LRP1B: variants seen among roughly 807,000 people sequenced by gnomAD.
LRP1B encodes the protein low-density lipoprotein receptor-related protein 1B.
A neutral mutation model predicts 556.6 loss-of-function variants in LRP1B; 217 were observed. The ratio of observed to expected loss-of-function variants is 0.39; its 90% CI spans 0.35 to 0.44. LRP1B has a LOEUF of 0.44. Among genes scored for constraint, LRP1B ranks in the 20% least tolerant of loss-of-function variants. The pLI is 1.00. For missense variants in LRP1B, 5,053 were observed against 5,620.8 expected, an observed-to-expected ratio of 0.90 and a Z score of 3.23; for synonymous variants, 2,047 against 1,865.8, an observed-to-expected ratio of 1.10 and a Z score of -2.50.
chr2:141,364,020 T>C (rs11891815), intron 3 of LRP1B, among the ~76,000 whole-genome samples: 9,499 of 152,180 alleles, frequency 0.062, 409 homozygotes, highest in African/African-American at 0.11. Flanking sequence ...TTTGATTTTC[T>C]CCTCCATATC....
At chr2:140,257,332 T>C (rs1573694694) in intron 86 of LRP1B, among the ~76,000 whole-genome samples, 1 of 152,188 alleles carries the variant, frequency 6.6e-6, no homozygotes, top group Non-Finnish European at 1.5e-5. Flanking sequence ...TTAAGAGTTA[T>C]ACAAATAATA....
chr2:141,473,354 A>G (rs765120829), intron 3 of LRP1B, among the ~76,000 whole-genome samples: 38 of 152,200 alleles, frequency 2.5e-4, no homozygotes, highest in Middle Eastern at 3.2e-3. Context: ...GTCATTTGTC[A>G]ATATAAACAA....
intron 1 of LRP1B, among the ~76,000 whole-genome samples, chr2:141,947,259 G>A (rs146749917): frequency 6.6e-6 from 1 of 151,908 alleles, no homozygotes; most frequent in African/African-American, 2.4e-5. Flanking sequence ...TGGTGAAACT[G>A]TGTCTCTACT....
intron 57 of LRP1B, 77 bp downstream of exon 57, chr2:140,492,531 G>T: frequency 1.2e-6 from 1 of 864,618 alleles, no homozygotes; most frequent in Non-Finnish European, 1.8e-6. Context: ...AACTCTAATT[G>T]CCAGGTAGTT....
Position 141,942,712 on chromosome 2 carries a change from G to A in LRP1B, c.83-132311C>T, listed in dbSNP as rs569393784. 3.3e-5 allele frequency among the ~76,000 whole-genome samples: 5 copies of A among 152,262 alleles called. No homozygotes were observed. In the East Asian group the frequency reaches 9.7e-4, roughly 29 times the overall value. On this transcript the variant is annotated intron_variant, in intron 1 of 90. Transcript: ENST00000389484. ...ATTTTGTGCAGCAGTTTCCAAAACA[G>A]TGTCCCTGTTTACTGTATTTACTAA...
At chr2:140,436,519 A>T (rs1330150955) in intron 66 of LRP1B, among the ~76,000 whole-genome samples, 1 of 152,112 alleles carries the variant, frequency 6.6e-6, no homozygotes. Flanking sequence ...TTCATCTGGG[A>T]TCAAATAAGT....
intron 41 of LRP1B, among the ~76,000 whole-genome samples, chr2:140,620,265 A>T (rs889916376): frequency 3.9e-5 from 6 of 152,184 alleles, no homozygotes; most frequent in Non-Finnish European, 7.4e-5. Flanking sequence ...AATGACAGTT[A>T]TCGAGTTGGT....
intron 2 of LRP1B, among the ~76,000 whole-genome samples, chr2:141,517,004 TAAAAAAAAAA>T (rs71391654): frequency 2.6e-4 from 3 of 11,730 alleles, no homozygotes; most frequent in South Asian, 6.9e-3. Context: ...GCCCGTCTCT[TAAAAAAAAAA>T]AAAAAAAAAA....
chr2:140,324,993 A>C (rs1326690462), intron 80 of LRP1B, among the ~76,000 whole-genome samples: 1 of 152,072 alleles, frequency 6.6e-6, no homozygotes, highest in Non-Finnish European at 1.5e-5. Flanking sequence ...TATTAAAAAA[A>C]GGGAAGCAAA....
chr2:140,340,351 T>A (rs1395323465), intron 77 of LRP1B, among the ~76,000 whole-genome samples: 1 of 151,618 alleles, frequency 6.6e-6, no homozygotes, highest in Non-Finnish European at 1.5e-5. Context: ...GTAAATTGTA[T>A]AACAGTTTGA....
intron 77 of LRP1B, among the ~76,000 whole-genome samples, chr2:140,348,445 T>G (rs554482477): frequency 1.3e-5 from 2 of 152,174 alleles, no homozygotes; most frequent in East Asian, 3.9e-4. Context: ...AATTATGTCA[T>G]TTAGTTAGTT....
intron 43 of LRP1B, among the ~76,000 whole-genome samples, chr2:140,542,230 A>G (rs1328846831): frequency 1.3e-5 from 2 of 152,138 alleles, no homozygotes; most frequent in Admixed American, 1.3e-4. Flanking sequence ...TTCAATGTGT[A>G]TAACAAGTGT....
At chr2:141,995,926 GA>G (rs1408913085) in intron 1 of LRP1B, among the ~76,000 whole-genome samples, 2 of 152,122 alleles carry the variant, frequency 1.3e-5, no homozygotes, top group African/African-American at 2.4e-5. Flanking sequence ...AAAGAGGGAA[GA>G]AAAAGGATAC....
At chr2:141,194,398 G>A (rs1330638127) in intron 6 of LRP1B, among the ~76,000 whole-genome samples, 1 of 151,930 alleles carries the variant, frequency 6.6e-6, no homozygotes, top group African/African-American at 2.4e-5. Context: ...TTATTAATCA[G>A]GACTGTGGCA....
intron 66 of LRP1B, among the ~76,000 whole-genome samples, chr2:140,436,701 C>A (rs917548296): frequency 6.7e-6 from 1 of 149,132 alleles, no homozygotes; most frequent in Non-Finnish European, 1.5e-5. Flanking sequence ...TTTTTTCAGG[C>A]AGGTAGAAAA....
Position 140,884,226 on chromosome 2 carries a change from A to G in LRP1B, c.3965-205T>C, listed in dbSNP as rs573654495. 1.8e-4 allele frequency among the ~76,000 whole-genome samples: 28 copies of G among 152,284 alleles called. No homozygotes were observed. The South Asian group carries it at 5.6e-3, about 30-fold the overall frequency. On this transcript the variant is annotated intron_variant, in intron 24 of 90. Coordinates refer to ENST00000389484, the MANE Select transcript of LRP1B (RefSeq NM_018557.3). ...CGATCTTCCTTGCCAGAAATCTTTAATCTAGTAAATCCTTTTGGTATCAGT... is the reference window on the plus strand; with the variant it reads ...CGATCTTCCTTGCCAGAAATCTTTAGTCTAGTAAATCCTTTTGGTATCAGT...
intron 83 of LRP1B, among the ~76,000 whole-genome samples, chr2:140,304,139 C>G (rs1443529109): frequency 6.6e-6 from 1 of 152,084 alleles, no homozygotes; most frequent in Non-Finnish European, 1.5e-5. Flanking sequence ...TGTGTCTTTA[C>G]AGCAGCATGA....
At chr2:141,359,270 A>G (rs1456284264) in intron 3 of LRP1B, among the ~76,000 whole-genome samples, 2 of 151,380 alleles carry the variant, frequency 1.3e-5, no homozygotes, top group East Asian at 3.9e-4. Flanking sequence ...AATAAATGAA[A>G]AAAAAAAAAA....
At chr2:142,047,934 T>C (rs749388891) in intron 1 of LRP1B, among the ~76,000 whole-genome samples, 2 of 152,028 alleles carry the variant, frequency 1.3e-5, no homozygotes, top group Non-Finnish European at 2.9e-5. Context: ...ACTACTGAAA[T>C]TCTGGGATTT....
Sources: gnomAD v4.1 joint callset for allele counts (sites outside exome capture counted in the v4.1 genomes callset) on GRCh38, gnomAD v4.1.1 for gene constraint, MANE v1.5 for transcripts, NCBI Gene and HGNC (gene_info 2026-07-23, HGNC 2026-07-21) for gene names.